Variants in CORIN observed in about 807,000 individuals in gnomAD.
CORIN encodes the protein atrial natriuretic peptide-converting enzyme.
Under a neutral mutation model 125.3 loss-of-function variants are expected in CORIN, and 117 were observed. That is an observed-to-expected ratio of 0.93 (90% CI 0.80 to 1.09). The LOEUF is 1.09. Ranked by LOEUF, CORIN falls within the 50% of genes least tolerant of loss-of-function variation. CORIN has a pLI of 0.00. For synonymous variants in CORIN, 450 were observed against 466.4 expected (o/e 0.96, Z 0.45); for missense variants, 1,253 against 1,306.7 (o/e 0.96, Z 0.63).
intron 3 of CORIN, among the ~76,000 whole-genome samples, chr4:47,773,261 C>T (rs1661563330): frequency 6.6e-6 from 1 of 152,124 alleles, no homozygotes; most frequent in Admixed American, 6.5e-5. Flanking sequence ...ACTGGAGCAA[C>T]ATGTTCAATA....
intron 16 of CORIN, 67 bp downstream of exon 16, chr4:47,641,853 G>T: frequency 3.2e-6 from 5 of 1,568,230 alleles, no homozygotes; most frequent in Non-Finnish European, 2.6e-6. Flanking sequence ...TCCTAAGGAA[G>T]ATATTACTGC....
At chr4:47,704,697 CAG>C (rs1726467251) in intron 5 of CORIN, among the ~76,000 whole-genome samples, 1 of 152,148 alleles carries the variant, frequency 6.6e-6, no homozygotes, top group Non-Finnish European at 1.5e-5. Context: ...TGAGCAGATA[CAG>C]AGTCTCCTCT....
intron 4 of CORIN, among the ~76,000 whole-genome samples, chr4:47,754,888 GC>G (rs1264615457): frequency 3.3e-5 from 5 of 152,084 alleles, no homozygotes; most frequent in Non-Finnish European, 1.5e-5. Flanking sequence ...TCAACACAAT[GC>G]CCCCCAAAAC....
At chr4:47,722,386 C>T (rs954541997) in intron 5 of CORIN, among the ~76,000 whole-genome samples, 6 of 152,230 alleles carry the variant, frequency 3.9e-5, no homozygotes, top group African/African-American at 1.4e-4. Flanking sequence ...TCCTTTCTTA[C>T]CGCCCTTTTC....
At chr4:47,624,728 G>A (rs1347601185) in intron 17 of CORIN, among the ~76,000 whole-genome samples, 2 of 152,072 alleles carry the variant, frequency 1.3e-5, no homozygotes, top group Non-Finnish European at 2.9e-5. Flanking sequence ...AGATAATTCA[G>A]TTTGGGGTAG....
In CORIN at chr4:47,595,032, T is replaced by C. The variant is rs1321692185; in HGVS notation, c.*689A>G. The C allele has an allele frequency of 6.6e-6, 1 of 152,236 alleles. No individual in the cohort carries two copies. Among genetic ancestry groups the C allele is most frequent in the Non-Finnish European group, 1.5e-5 (1 of 68,044 alleles). 9.4% of individuals were successfully genotyped at this position (152,236 alleles called of 1,614,324 possible). A position where few individuals can be genotyped will look rare whatever the true frequency, so the allele number is the denominator to read the frequency against. ...ATGGATGACACTGGTCTTTTATTGC[T>C]GTCTTTTATCAGTTCTCAGAATTAT... On this transcript the variant is annotated 3_prime_UTR_variant, in exon 22 of 22. Transcript: ENST00000273857.
intron 21 of CORIN, among the ~76,000 whole-genome samples, chr4:47,599,646 A>G (rs1440653923): frequency 1.3e-5 from 2 of 152,222 alleles, no homozygotes; most frequent in Non-Finnish European, 2.9e-5. Flanking sequence ...TCTCATGGCC[A>G]TGAATCCTGA....
At chr4:47,682,983 T>C (rs564147986) in intron 7 of CORIN, 88 of 152,362 alleles carry the variant, frequency 5.8e-4, no homozygotes, top group African/African-American at 2.0e-3. Context: ...TTCATTTTGA[T>C]GTTATCTAAT....
intron 5 of CORIN, among the ~76,000 whole-genome samples, chr4:47,743,846 C>T (rs1560529187): frequency 1.3e-5 from 2 of 151,676 alleles, no homozygotes; most frequent in Admixed American, 6.6e-5. Flanking sequence ...GATCATGCCA[C>T]TGCACTCCAG....
In CORIN at chr4:47,838,028, C is replaced by A; in HGVS notation, c.-79G>T. 5.0e-6 allele frequency: 8 copies of A among 1,587,986 alleles called. No homozygotes were observed. The highest frequency in any genetic ancestry group is 6.0e-6 in the Non-Finnish European group (7 of 1,174,426). On this transcript the variant is annotated 5_prime_UTR_variant, in exon 1 of 22. Coordinates refer to ENST00000273857, the MANE Select transcript of CORIN (RefSeq NM_006587.4). The stretch of plus-strand genomic sequence containing the variant: ...CTCCTCTACGTGTCCCCCGGGGAGG[C>A]ACTACGGATGATTTTCTCCAAGCTC...
chr4:47,621,823 A>T (rs1436735653), intron 19 of CORIN, among the ~76,000 whole-genome samples: 2 of 151,252 alleles, frequency 1.3e-5, no homozygotes, highest in Non-Finnish European at 2.9e-5. Flanking sequence ...CATGATGTGG[A>T]TGGGCCTTAC....
intron 14 of CORIN, among the ~76,000 whole-genome samples, chr4:47,644,732 T>C (rs960317270): frequency 2.6e-5 from 4 of 152,272 alleles, no homozygotes; most frequent in South Asian, 2.1e-4. Flanking sequence ...ACTCAACTAA[T>C]GACATATAAT....
At chr4:47,677,795 C>G in intron 9 of CORIN, 143 bp downstream of exon 9, 1 of 621,650 alleles carries the variant, frequency 1.6e-6, no homozygotes, top group Non-Finnish European at 2.9e-6. Context: ...TCCTGGCTGA[C>G]TAGGGCTGTG....
chr4:47,667,431 G>A (rs1268106105), intron 10 of CORIN, among the ~76,000 whole-genome samples: 2 of 152,170 alleles, frequency 1.3e-5, no homozygotes, highest in African/African-American at 2.4e-5. Flanking sequence ...GGAGAGGCAG[G>A]CAAGCAAGTG....
chr4:47,627,489 C>T (rs1007410728), intron 16 of CORIN, among the ~76,000 whole-genome samples: 1 of 152,096 alleles, frequency 6.6e-6, no homozygotes, highest in Non-Finnish European at 1.5e-5. Flanking sequence ...GTCATACATC[C>T]TAGCCACAAT....
chr4:47,729,908 T>G (rs1560523141), intron 5 of CORIN, among the ~76,000 whole-genome samples: 1 of 152,168 alleles, frequency 6.6e-6, no homozygotes, highest in Admixed American at 6.5e-5. Flanking sequence ...CGGAGAAGTC[T>G]GGCCGCTGGG....
chr4:47,832,846 G>A (rs758878749), intron 1 of CORIN, among the ~76,000 whole-genome samples: 1 of 152,156 alleles, frequency 6.6e-6, no homozygotes, highest in Non-Finnish European at 1.5e-5. Context: ...TATCTGTGCT[G>A]CCCAATACAG....
At chr4:47,661,420 T>C (rs899987377) in intron 12 of CORIN, 2 of 263,864 alleles carry the variant, frequency 7.6e-6, no homozygotes, top group Non-Finnish European at 1.4e-5. Flanking sequence ...ACTGTATGCC[T>C]GTATCAAAAT....
At chr4:47,683,527 AAT>A (rs1245152080) in intron 7 of CORIN, 11 of 445,694 alleles carry the variant, frequency 2.5e-5, no homozygotes, top group Non-Finnish European at 4.4e-5. Context: ...ACATTTTCTT[AAT>A]ATGATTTTTT....
Sources: gnomAD v4.1 joint callset for allele counts (sites outside exome capture counted in the v4.1 genomes callset) on GRCh38, gnomAD v4.1.1 for gene constraint, MANE v1.5 for transcripts, NCBI Gene and HGNC (gene_info 2026-07-23, HGNC 2026-07-21) for gene names.